AKT3: variants seen among roughly 807,000 people sequenced by gnomAD.
AKT3 encodes AKT serine/threonine kinase 3.
AKT3 carries 15 observed loss-of-function variants against 65.3 expected under a neutral mutation model. That is an observed-to-expected ratio of 0.23 (90% CI 0.15 to 0.35). The LOEUF (loss-of-function observed/expected upper bound fraction) is 0.35, where lower values mean the gene tolerates loss of function less well. Ranked by LOEUF, AKT3 falls within the 10% of genes least tolerant of loss-of-function variation. The pLI is 1.00. For missense variants in AKT3, 243 were observed against 576.5 expected (o/e 0.42, Z 5.92); for synonymous variants, 206 against 183.8 (o/e 1.12, Z -0.98).
intron 11 of AKT3, among the ~76,000 whole-genome samples, chr1:243,548,536 G>A (rs1254393289): frequency 6.6e-6 from 1 of 152,130 alleles, no homozygotes; most frequent in Non-Finnish European, 1.5e-5. Flanking sequence ...GTGTGAAACT[G>A]TCAAAAATTT....
chr1:243,601,749 T>C (rs532350918), intron 8 of AKT3, among the ~76,000 whole-genome samples: 27 of 152,262 alleles, frequency 1.8e-4, no homozygotes, highest in African/African-American at 6.3e-4. Context: ...ACTACTGATA[T>C]ATGGAACAGT....
intron 8 of AKT3, among the ~76,000 whole-genome samples, chr1:243,591,756 G>T (rs1676245420): frequency 1.3e-5 from 2 of 151,810 alleles, no homozygotes; most frequent in African/African-American, 4.8e-5. Context: ...AGATGAAAAT[G>T]TCTGAAATAA....
intron 2 of AKT3, chr1:243,814,646 C>T (rs972256363): frequency 6.6e-6 from 1 of 152,300 alleles, no homozygotes; most frequent in South Asian, 2.1e-4. Context: ...CCCAACCCCA[C>T]TACCTGCCTC....
In AKT3 at chr1:243,620,377, A is replaced by ATT. The variant is rs1402760273; in HGVS notation, c.562-5217_562-5216insAA. The stretch of plus-strand genomic sequence containing the variant: ...CTTTATACCAGTGTGAGAATGAACT[A>ATT]ATACAGATGATATCACATTGTGGTT... On this transcript the variant is annotated intron_variant, in intron 6 of 13. Transcript: ENST00000673466. Among the ~76,000 whole-genome samples, 131 of 45,164 alleles carry ATT rather than the reference A, an allele frequency of 2.9e-3. 5 individuals carry two copies. Among genetic ancestry groups the ATT allele is most frequent in the Middle Eastern group, 0.014 (1 of 74 alleles). The allele number at this position is 45,164 out of a possible 152,430, so 29.6% of individuals were successfully genotyped here.
intron 2 of AKT3, among the ~76,000 whole-genome samples, chr1:243,746,089 CGAT>C (rs1332359147): frequency 6.6e-6 from 1 of 152,090 alleles, no homozygotes; most frequent in Non-Finnish European, 1.5e-5. Context: ...CAGGTTCATT[CGAT>C]GATTTTTTAC....
At chr1:243,495,046 A>G (rs952895322), downstream of AKT3, among the ~76,000 whole-genome samples, 5 of 152,250 alleles carry the variant, frequency 3.3e-5, no homozygotes, top group Admixed American at 2.6e-4. Context: ...TGGTTCATAT[A>G]AAACACAGAC....
Position 243,500,224 on chromosome 1 carries a change from C to T in AKT3, c.*5025G>A, listed in dbSNP as rs1430133638. The stretch of plus-strand genomic sequence containing the variant: ...TGCCATTCATTTTTCTTTTCATGAT[C>T]TATATATCAATCATCCTTCACCTTT... On this transcript the variant is annotated 3_prime_UTR_variant, in exon 14 of 14. Coordinates refer to ENST00000673466, the MANE Select transcript of AKT3 (RefSeq NM_005465.7). The T allele has an allele frequency of 3.9e-6, 1 of 257,988 alleles. No homozygotes were observed. Among genetic ancestry groups the T allele is most frequent in the African/African-American group, 2.2e-5 (1 of 45,838 alleles). The allele number at this position is 257,988 out of a possible 1,614,324, so 16.0% of individuals were successfully genotyped here.
At chr1:243,702,859 C>T (rs1270840893) in intron 2 of AKT3, 1 of 152,058 alleles carries the variant, frequency 6.6e-6, no homozygotes, top group African/African-American at 2.4e-5. Context: ...AAGTCAGATT[C>T]TTCTGAATTT....
chr1:243,541,661 G>A (rs1239802830), intron 12 of AKT3, among the ~76,000 whole-genome samples: 2 of 152,126 alleles, frequency 1.3e-5, no homozygotes, highest in Non-Finnish European at 2.9e-5. Flanking sequence ...AAGTCAGGAT[G>A]CTCACTCTTA....
At chr1:243,661,838 T>A (rs1196192081) in intron 4 of AKT3, among the ~76,000 whole-genome samples, 3 of 148,866 alleles carry the variant, frequency 2.0e-5, no homozygotes, top group African/African-American at 4.9e-5. Context: ...GAATCTACAA[T>A]GAACTCAAAC....
chr1:243,588,454 AATCAT>A lies in AKT3; in HGVS notation c.697-15411_697-15407del, dbSNP rs1402100586. On this transcript the variant is annotated intron_variant, in intron 8 of 13. Transcript: ENST00000673466. ...AAGCTAACATCAATACTGAAATATC[AATCAT>A]ATTTGTAAATACTGCCTTCCAGAAT... Among the ~76,000 whole-genome samples the A allele has an allele frequency of 2.0e-5, 3 of 152,340 alleles. No homozygotes were observed. The East Asian group carries it at 5.8e-4, about 29-fold the overall frequency.
chr1:243,708,864 G>A (rs923947478), intron 2 of AKT3, among the ~76,000 whole-genome samples: 6 of 151,848 alleles, frequency 4.0e-5, no homozygotes, highest in African/African-American at 1.2e-4. Context: ...CAATACACTC[G>A]TTTGTTACAA....
At chr1:243,714,956 C>T (rs1473503144) in intron 2 of AKT3, among the ~76,000 whole-genome samples, 1 of 152,062 alleles carries the variant, frequency 6.6e-6, no homozygotes, top group Non-Finnish European at 1.5e-5. Flanking sequence ...CTAAAACTGA[C>T]ATACTCAACT....
rs1054513062 is a variant in AKT3, at chr1:243,503,932, G to A, written c.*1317C>T. 2 of 226,126 alleles carry A rather than the reference G, an allele frequency of 8.8e-6. No homozygotes were observed. The highest frequency in any genetic ancestry group is 1.8e-4 in the South Asian group (1 of 5,462). The allele number at this position is 226,126 out of a possible 1,614,324, so 14.0% of individuals were successfully genotyped here. On this transcript the variant is annotated 3_prime_UTR_variant, in exon 14 of 14. Transcript: ENST00000673466. Reference sequence around the variant, plus strand: ...ATCATAACGTTTCAAATTCTTAAATGAGCAAACGTCAACAGCTATTTGTTT... The same window carrying A: ...ATCATAACGTTTCAAATTCTTAAATAAGCAAACGTCAACAGCTATTTGTTT...
At chr1:243,782,981 A>G (rs1691007223) in intron 2 of AKT3, among the ~76,000 whole-genome samples, 1 of 152,132 alleles carries the variant, frequency 6.6e-6, no homozygotes, top group African/African-American at 2.4e-5. Flanking sequence ...CTTCCTCCCA[A>G]GCTCCTGGGT....
At chr1:243,655,268 T>C (rs908435551) in intron 4 of AKT3, among the ~76,000 whole-genome samples, 1 of 152,104 alleles carries the variant, frequency 6.6e-6, no homozygotes, top group African/African-American at 2.4e-5. Flanking sequence ...TTTTCAATTT[T>C]AGAATTTCTA....
chr1:243,805,968 A>C (rs554205043), intron 2 of AKT3, among the ~76,000 whole-genome samples: 12 of 152,310 alleles, frequency 7.9e-5, no homozygotes, highest in Non-Finnish European at 2.9e-5. Context: ...GACTACTCCC[A>C]AATTTTCTGA....
rs866516743 is a variant in AKT3, at chr1:243,489,261, G to A, written c.*7-811C>T. The A allele has an allele frequency of 1.9e-5, 26 of 1,348,102 alleles. No individual in the cohort carries two copies. In the Middle Eastern group the frequency reaches 7.7e-4, roughly 40 times the overall value. 83.5% of individuals were successfully genotyped at this position (1,348,102 alleles called of 1,614,324 possible). On this transcript the variant is annotated intron_variant, in intron 13 of 13. Coordinates refer to the AKT3 transcript ENST00000336199. ...ACATCGGTTAGCAGTAAGCTGGGAG[G>A]GAGGTCCCGAAGACTGTGCTGGGCA...
chr1:243,661,046 A>G (rs553873508), intron 4 of AKT3, among the ~76,000 whole-genome samples: 4 of 151,990 alleles, frequency 2.6e-5, no homozygotes, highest in East Asian at 1.9e-4. Context: ...CACTGCTCAA[A>G]GAAATAAAAG....
Sources: allele counts gnomAD v4.1 joint callset (sites outside exome capture counted in the v4.1 genomes callset), GRCh38; gene constraint gnomAD v4.1.1; transcripts MANE v1.5; gene names NCBI Gene and HGNC (gene_info 2026-07-23, HGNC 2026-07-21).